MCCC2: variants seen among roughly 807,000 people sequenced by gnomAD.
The protein encoded by MCCC2 is methylcrotonoyl-CoA carboxylase beta chain, mitochondrial.
In MCCC2, 52 loss-of-function variants were observed where a neutral mutation model predicts 77.2. The ratio of observed to expected loss-of-function variants is 0.67; its 90% CI spans 0.54 to 0.85. The LOEUF (loss-of-function observed/expected upper bound fraction) is 0.85, where lower values mean the gene tolerates loss of function less well. MCCC2 is among the 40% of genes least tolerant of loss of function. MCCC2 has a pLI of 0.00. For synonymous variants in MCCC2, 253 were observed against 248.4 expected (o/e 1.02, Z -0.18); for missense variants, 682 against 703.2 (o/e 0.97, Z 0.34).
chr5:71,622,876 G>A (rs913194110), intron 6 of MCCC2, among the ~76,000 whole-genome samples: 4 of 152,186 alleles, frequency 2.6e-5, no homozygotes, highest in African/African-American at 4.8e-5. Context: ...GGAGGCGGAG[G>A]CGGGCGGATC....
intron 7 of MCCC2, among the ~76,000 whole-genome samples, chr5:71,627,146 T>C (rs1746556640): frequency 6.6e-6 from 1 of 152,244 alleles, no homozygotes; most frequent in Non-Finnish European, 1.5e-5. Context: ...TCATGGTTCT[T>C]CTATATTGTA....
chr5:71,620,400 T>C (rs763979496), intron 6 of MCCC2, among the ~76,000 whole-genome samples: 11 of 152,212 alleles, frequency 7.2e-5, no homozygotes, highest in Non-Finnish European at 1.0e-4. Flanking sequence ...ATATTTTTAA[T>C]GGCTTTTCTA....
intron 1 of MCCC2, among the ~76,000 whole-genome samples, chr5:71,589,415 C>G (rs1744887190): frequency 2.0e-5 from 3 of 152,230 alleles, no homozygotes; most frequent in Admixed American, 6.5e-5. Context: ...TGTGACTGTT[C>G]CACTGCAGGG....
Position 71,587,473 on chromosome 5 carries a change from T to G in MCCC2, c.48T>G (p.Ser16=). The change falls in exon 1 of 17, where the codon TCT becomes TCG. Residue 16 remains serine, a synonymous_variant. Transcript: ENST00000340941. ...RLALRPCARA[S]PAGPRAYHGD... is the part of the protein sequence containing the mutation. ...CCCTGCGGCCGTGTGCCCGCGCCTC[T>G]CCCGCCGGGCCGCGCGCCTATCACG... 6.5e-7 allele frequency: 1 copy of G among 1,536,102 alleles called. No individual in the cohort carries two copies. The highest frequency in any genetic ancestry group is 8.7e-7 in the Non-Finnish European group (1 of 1,146,092).
intron 5 of MCCC2, 60 bp downstream of exon 5, chr5:71,602,693 G>T: frequency 6.2e-7 from 1 of 1,611,076 alleles, no homozygotes; most frequent in Non-Finnish European, 8.5e-7. Context: ...AGATAGTTTG[G>T]AAGGCTGTAT....
rs145475202 is a variant in MCCC2, at chr5:71,649,214, A to G, written c.1334A>G (p.Tyr445Cys). The change falls in exon 14 of 17, where the codon TAT (tyrosine) becomes TGT (cysteine). Residue 445 changes from tyrosine (Y) to cysteine (C), a missense_variant. Physicochemically the swap from Tyr to Cys is radical, Grantham distance 194 (BLOSUM62 -2). Transcript: ENST00000340941. ...PKITLIIGGS[Y>C]GAGNYGMCGR... ...ATAACCCTCATCATTGGGGGCTCCT[A>G]TGGAGCCGGAAACTATGGGATGTGT... The G allele has an allele frequency of 1.5e-5, 24 of 1,613,952 alleles. No homozygotes were observed. The highest frequency in any genetic ancestry group is 2.2e-5 in the East Asian group (1 of 44,894).
Position 71,587,457 on chromosome 5 carries a change from C to T in MCCC2, c.32C>T (p.Pro11Leu), listed in dbSNP as rs986973442. ...GCCGTCCTGAGGTTAGCCCTGCGGC[C>T]GTGTGCCCGCGCCTCTCCCGCCGGG... MWAVLRLALR[P>L]CARASPAGPR... Residue 11 changes from proline (P) to leucine (L), a missense_variant, in exon 1 of 17, where the codon CCG becomes CTG. Physicochemically the swap from Pro to Leu is moderately conservative, Grantham distance 98. Coordinates refer to ENST00000340941, the MANE Select transcript of MCCC2 (RefSeq NM_022132.5). 12 of 1,535,320 alleles carry T rather than the reference C, an allele frequency of 7.8e-6. No homozygotes were observed. Among genetic ancestry groups the T allele is most frequent in the Non-Finnish European group, 1.0e-5 (12 of 1,146,106 alleles).
chr5:71,643,148 C>CT (rs1747173883), intron 11 of MCCC2, among the ~76,000 whole-genome samples: 1 of 152,018 alleles, frequency 6.6e-6, no homozygotes, highest in Non-Finnish European at 1.5e-5. Context: ...TTTGGGAGGC[C>CT]AAGGTGGGAG....
At chr5:71,588,250 C>G (rs1399183016) in intron 1 of MCCC2, among the ~76,000 whole-genome samples, 1 of 119,278 alleles carries the variant, frequency 8.4e-6, no homozygotes, top group Non-Finnish European at 1.7e-5. Context: ...GCCTTGGCAA[C>G]AAGAGCGAAC....
rs1312676766 is a variant in MCCC2 at position 71,611,841 on chromosome 5, T to C, written c.624+7373T>C. Among the ~76,000 whole-genome samples the C allele has an allele frequency of 2.0e-5, 3 of 150,490 alleles. No individual in the cohort carries two copies. In the East Asian group the frequency reaches 5.8e-4, roughly 29 times the overall value. The stretch of plus-strand genomic sequence containing the variant: ...TCTTGCTCTGTTGCCCAGGCTGGAG[T>C]GCAGTGGTGCTACCTCGGCTCACTG... On this transcript the variant is annotated intron_variant, in intron 6 of 16. Coordinates refer to ENST00000340941, the MANE Select transcript of MCCC2 (RefSeq NM_022132.5).
At chr5:71,635,720 T>C (rs774642103) in intron 10 of MCCC2, 13 of 252,786 alleles carry the variant, frequency 5.1e-5, no homozygotes, top group Non-Finnish European at 1.0e-4. Context: ...GTCGACATAG[T>C]GTTCTGTAAT....
intron 8 of MCCC2, 61 bp from the exon 9 acceptor site, chr5:71,634,882 T>G: frequency 1.8e-5 from 26 of 1,425,178 alleles, no homozygotes; most frequent in African/African-American, 2.8e-5. Context: ...ACTTGGGACC[T>G]GAGATATTTA....
chr5:71,590,680 G>A (rs1398583675), intron 1 of MCCC2, among the ~76,000 whole-genome samples: 1 of 152,152 alleles, frequency 6.6e-6, no homozygotes, highest in Non-Finnish European at 1.5e-5. Context: ...ACCTGGGCAT[G>A]GTGGCGCACG....
At chr5:71,643,636 C>A in intron 11 of MCCC2, 183 bp from the exon 12 acceptor site, 1 of 1,139,662 alleles carries the variant, frequency 8.8e-7, no homozygotes, top group Non-Finnish European at 1.2e-6. Flanking sequence ...GCAAAAGAAA[C>A]CAGAGTCTAG....
chr5:71,633,131 A>ATATATTTTTTTTTTT (rs1554137344), intron 8 of MCCC2, among the ~76,000 whole-genome samples: 5 of 78,082 alleles, frequency 6.4e-5, no homozygotes, highest in African/African-American at 2.0e-4. Context: ...ATATATATAT[A>ATATATTTTTTTTTTT]TTTTTATTTT....
At chr5:71,621,008 G>T (rs1746331920) in intron 6 of MCCC2, among the ~76,000 whole-genome samples, 2 of 152,170 alleles carry the variant, frequency 1.3e-5, no homozygotes. Context: ...CTGGTACAAT[G>T]CCTATGTTGT....
chr5:71,599,764 A>T lies in MCCC2; in HGVS notation c.383+4A>T. 1.2e-6 allele frequency: 2 copies of T among 1,609,684 alleles called. No individual in the cohort carries two copies. The highest frequency in any genetic ancestry group is 1.1e-5 in the South Asian group (1 of 90,996). Reference sequence around the variant, plus strand: ...CAGGCATTGGAAGAGTATCAGGGTGAGTATTCTACTTGTGCTTCATAATGT... The same window carrying T: ...CAGGCATTGGAAGAGTATCAGGGTGTGTATTCTACTTGTGCTTCATAATGT... On this transcript the variant is annotated splice_donor_region_variant and intron_variant, in intron 4 of 16. Coordinates refer to ENST00000340941, the MANE Select transcript of MCCC2 (RefSeq NM_022132.5).
chr5:71,644,070 TGCGC>T lies in MCCC2; in HGVS notation c.1149+179_1149+182del, dbSNP rs764993022. ...GTGTGTGTGTGTGTGTGTGTGTGTGTGCGCGCGTGTGTATATATGTGCATGTATG... is the reference window on the plus strand; with the variant it reads ...GTGTGTGTGTGTGTGTGTGTGTGTGTGCGTGTGTATATATGTGCATGTATG... On this transcript the variant is annotated intron_variant, in intron 12 of 16. Transcript: ENST00000340941. 0.042 allele frequency among the ~76,000 whole-genome samples: 2,311 copies of T among 55,656 alleles called. 72 individuals are homozygous for T. The highest frequency in any genetic ancestry group is 0.1 in the African/African-American group (2,073 of 20,128). 36.5% of individuals were successfully genotyped at this position (55,656 alleles called of 152,430 possible).
chr5:71,647,430 AG>A (rs1346883180), intron 13 of MCCC2, among the ~76,000 whole-genome samples: 1 of 152,236 alleles, frequency 6.6e-6, no homozygotes, highest in Admixed American at 6.5e-5. Context: ...GCAGATAGAA[AG>A]GATTCTGAAG....
Sources: allele counts gnomAD v4.1 joint callset (sites outside exome capture counted in the v4.1 genomes callset), GRCh38; gene constraint gnomAD v4.1.1; transcripts MANE v1.5; gene names NCBI Gene and HGNC (gene_info 2026-07-23, HGNC 2026-07-21).